RYR2: variants seen among roughly 807,000 people sequenced by gnomAD.
RYR2 encodes the protein ryanodine receptor 2.
Under a neutral mutation model 601.1 loss-of-function variants are expected in RYR2, and 227 were observed. That is an observed-to-expected ratio of 0.38 (90% CI 0.34 to 0.42). RYR2 has a LOEUF of 0.42. Ranked by LOEUF, RYR2 falls within the 10% of genes least tolerant of loss-of-function variation. The probability of loss-of-function intolerance (pLI) is 1.00; values close to 1 mark genes in which losing one functional copy is unlikely to be tolerated. For synonymous variants in RYR2, 2,223 were observed against 2,175.1 expected (o/e 1.02, Z -0.61); for missense variants, 4,646 against 6,156.5 (o/e 0.75, Z 8.21).
intron 14 of RYR2, among the ~76,000 whole-genome samples, chr1:237,450,342 G>A (rs921307805): frequency 6.6e-6 from 1 of 152,058 alleles, no homozygotes; most frequent in Non-Finnish European, 1.5e-5. Flanking sequence ...TTCAACTCAT[G>A]GAGACTGTCA....
chr1:237,515,707 T>TCTTCTTCTCTTC (rs1558952126), intron 24 of RYR2, among the ~76,000 whole-genome samples: 2 of 142,286 alleles, frequency 1.4e-5, no homozygotes, highest in African/African-American at 5.2e-5. Context: ...CTCCCCTCCT[T>TCTTCTTCTCTTC]CTCCTTCTTC....
chr1:237,628,009 T>C lies in RYR2; in HGVS notation c.6369T>C (p.Leu2123=), dbSNP rs1200040510. The C allele has an allele frequency of 1.9e-6, 3 of 1,613,892 alleles. No homozygotes were observed. The highest frequency in any genetic ancestry group is 2.5e-6 in the Non-Finnish European group (3 of 1,179,866). The change falls in exon 41 of 105, where the codon CTT becomes CTC. Residue 2123 remains leucine, a synonymous_variant. Coordinates refer to ENST00000366574, the MANE Select transcript of RYR2 (RefSeq NM_001035.3). ...VEDTINLLAS[L]GQIRSLLSVR... is the part of the protein sequence containing the mutation. ...ACACCATCAACCTGCTGGCATCCCT[T>C]GGTCAGATTCGGTCCCTGCTGAGTG...
chr1:237,042,651 G>A (rs1660053073), intron 1 of RYR2, 82 bp downstream of exon 1: 4 of 1,219,932 alleles, frequency 3.3e-6, no homozygotes, highest in South Asian at 8.3e-5. Context: ...GAGTGACAGC[G>A]GGCAGCGGGG....
At position 237,180,907 on chromosome 1, in the gene RYR2, C is replaced by G. The variant is rs1044202438; in HGVS notation, c.49-89590C>G. On this transcript the variant is annotated intron_variant, in intron 1 of 104. Transcript: ENST00000366574. The surrounding 1 kb of genome is among the most constrained non-coding windows in gnomAD (Gnocchi z 5.3). ...TATAATTATAACAATAAATATATAA[C>G]TAATAATATACTAATTAATAAAAAT... 6.7e-6 allele frequency among the ~76,000 whole-genome samples: 1 copy of G among 148,860 alleles called. No individual in the cohort carries two copies.
intron 62 of RYR2, among the ~76,000 whole-genome samples, chr1:237,680,847 C>T (rs1318625200): frequency 1.3e-5 from 2 of 152,080 alleles, no homozygotes; most frequent in African/African-American, 4.8e-5. Context: ...ACATAGAGGC[C>T]GGATATGCAT....
chr1:237,097,538 C>T (rs987587197), intron 1 of RYR2, among the ~76,000 whole-genome samples: 2 of 152,148 alleles, frequency 1.3e-5, no homozygotes, highest in Admixed American at 6.5e-5. Context: ...AAGATTTAAA[C>T]GTAATACCTA....
intron 27 of RYR2, among the ~76,000 whole-genome samples, chr1:237,563,248 T>A (rs1671633351): frequency 6.6e-6 from 1 of 151,348 alleles, no homozygotes; most frequent in Non-Finnish European, 1.5e-5. Flanking sequence ...CTACTGAAAA[T>A]ACAAAAAAAT....
At chr1:237,572,779 A>G (rs531958466) in intron 29 of RYR2, among the ~76,000 whole-genome samples, 1 of 152,252 alleles carries the variant, frequency 6.6e-6, no homozygotes, top group Admixed American at 6.5e-5. Context: ...TAAATTTTCT[A>G]CTATAGAAAG....
At chr1:237,584,710 G>C (rs1405677351) in intron 29 of RYR2, among the ~76,000 whole-genome samples, 1 of 123,576 alleles carries the variant, frequency 8.1e-6, no homozygotes, top group Non-Finnish European at 1.6e-5. Context: ...ACCTAGTCTA[G>C]AGTAGTGTGG....
At chr1:237,244,896 C>T (rs268784) in intron 1 of RYR2, among the ~76,000 whole-genome samples, 1 of 152,048 alleles carries the variant, frequency 6.6e-6, no homozygotes, top group Non-Finnish European at 1.5e-5. Flanking sequence ...TGTTTATTTC[C>T]TAAAGTCCAA....
At chr1:237,109,426 A>G (rs1669173815) in intron 1 of RYR2, among the ~76,000 whole-genome samples, 1 of 151,930 alleles carries the variant, frequency 6.6e-6, no homozygotes, top group South Asian at 2.1e-4. Flanking sequence ...GATTTTTTGC[A>G]TTGACTTTTG....
intron 15 of RYR2, among the ~76,000 whole-genome samples, chr1:237,455,224 G>A (rs1012217451): frequency 1.8e-4 from 28 of 152,176 alleles, no homozygotes; most frequent in African/African-American, 3.9e-4. Flanking sequence ...CAGGAGCTTC[G>A]TTGGAGACTA....
In RYR2 at chr1:237,167,975, G is replaced by A. The variant is rs541379450; in HGVS notation, c.49-102522G>A. On this transcript the variant is annotated intron_variant, in intron 1 of 104. Coordinates refer to ENST00000366574, the MANE Select transcript of RYR2 (RefSeq NM_001035.3). ...TAGGAGCCTAGTCAGGAAATAAGCT[G>A]AATTTCTGTTTCTTAAAGCAAACCC... is the stretch of plus-strand genomic sequence containing the variant. 3.9e-5 allele frequency among the ~76,000 whole-genome samples: 6 copies of A among 152,200 alleles called. No individual in the cohort carries two copies. In the South Asian group the frequency reaches 1.2e-3, roughly 32 times the overall value.
Position 237,700,348 on chromosome 1 carries a change from C to A in RYR2, c.9248C>A (p.Thr3083Asn). The A allele has an allele frequency of 4.4e-6, 7 of 1,602,966 alleles. No individual in the cohort carries two copies. The highest frequency in any genetic ancestry group is 6.0e-6 in the Non-Finnish European group (7 of 1,174,246). The change falls in exon 65 of 105, where the codon ACC becomes AAC. Residue 3083 changes from threonine (T) to asparagine (N), a missense_variant. Coordinates refer to ENST00000366574, the MANE Select transcript of RYR2 (RefSeq NM_001035.3). ...ENLKQGQFTH[T>N]RNQPKGVTQI... ...CTCAAGCAGGGCCAGTTCACTCACA[C>A]CCGAAACCAGCCCAAAGGGGTTACT... is the stretch of plus-strand genomic sequence containing the variant.
At chr1:237,398,819 TAATCGAAACATGG>T (rs869108739) in intron 10 of RYR2, among the ~76,000 whole-genome samples, 4 of 152,068 alleles carry the variant, frequency 2.6e-5, no homozygotes, top group African/African-American at 9.6e-5. Context: ...TTATTTGTAA[TAATCGAAACATGG>T]AATCAGCTGT....
intron 29 of RYR2, among the ~76,000 whole-genome samples, chr1:237,588,828 G>A (rs1364316982): frequency 1.3e-4 from 5 of 38,500 alleles, no homozygotes; most frequent in Non-Finnish European, 2.5e-4. Flanking sequence ...ACGAGACTCC[G>A]TCTCAAAAAA....
At chr1:237,151,567 A>G (rs1674709228) in intron 1 of RYR2, among the ~76,000 whole-genome samples, 1 of 152,218 alleles carries the variant, frequency 6.6e-6, no homozygotes, top group South Asian at 2.1e-4. Context: ...GCTACTTGGA[A>G]TCTATCTGTA....
chr1:237,732,269 T>C (rs1573719529), intron 78 of RYR2, 120 bp downstream of exon 78: 1 of 554,326 alleles, frequency 1.8e-6, no homozygotes, highest in East Asian at 3.0e-5. Context: ...GAGAGAGAAT[T>C]GTTCAAAGAT....
rs33922740 is a variant in RYR2, at chr1:237,157,295, C to CAAAA, written c.49-113179_49-113176dup. 8.6e-3 allele frequency among the ~76,000 whole-genome samples: 543 copies of CAAAA among 63,286 alleles called. 2 individuals are homozygous for CAAAA. Among genetic ancestry groups the CAAAA allele is most frequent in the East Asian group, 0.015 (22 of 1,508 alleles). 41.5% of individuals were successfully genotyped at this position (63,286 alleles called of 152,430 possible). On this transcript the variant is annotated intron_variant, in intron 1 of 104. Coordinates refer to ENST00000366574, the MANE Select transcript of RYR2 (RefSeq NM_001035.3). ...TGGGTGACAGAGTGAGACTCCATCT[C>CAAAA]AAAAAAAAAAAAAAAAAAAAAAAAA...
Sources: allele counts gnomAD v4.1 joint callset (sites outside exome capture counted in the v4.1 genomes callset), GRCh38; gene constraint gnomAD v4.1.1; non-coding constraint Gnocchi (gnomAD v3.1); transcripts MANE v1.5; gene names NCBI Gene and HGNC (gene_info 2026-07-23, HGNC 2026-07-21).